The following ANXA4 variants were observed in gnomAD, a reference collection of about 807,000 sequenced individuals.
ANXA4 encodes 35-beta calcimedin.
Under a neutral mutation model 49.8 loss-of-function variants are expected in ANXA4, and 39 were observed. That is an observed-to-expected ratio of 0.78 (90% CI 0.61 to 1.02). The LOEUF (loss-of-function observed/expected upper bound fraction) is 1.02, where lower values mean the gene tolerates loss of function less well. Ranked by LOEUF, ANXA4 falls within the 50% of genes least tolerant of loss-of-function variation. The probability of loss-of-function intolerance (pLI) is 0.00; values close to 1 mark genes in which losing one functional copy is unlikely to be tolerated. For synonymous variants in ANXA4, 134 were observed against 152.5 expected, an observed-to-expected ratio of 0.88 and a Z score of 0.89; for missense variants, 360 against 410.1, an observed-to-expected ratio of 0.88 and a Z score of 1.05.
chr2:69,679,795 T>G (rs1677533441), intron 2 of ANXA4, among the ~76,000 whole-genome samples: 1 of 152,230 alleles, frequency 6.6e-6, no homozygotes, highest in African/African-American at 2.4e-5. Context: ...TTGGCACCTT[T>G]GTAGACAATC....
chr2:69,795,502 C>T (rs563856847), intron 3 of ANXA4, among the ~76,000 whole-genome samples: 2 of 152,196 alleles, frequency 1.3e-5, no homozygotes, highest in South Asian at 2.1e-4. Flanking sequence ...CTCCTAGTAT[C>T]GGGGTGTTGC....
At chr2:69,683,318 C>T (rs540593983) in intron 2 of ANXA4, among the ~76,000 whole-genome samples, 1 of 152,304 alleles carries the variant, frequency 6.6e-6, no homozygotes, top group East Asian at 1.9e-4. Context: ...CCTCTTCCTG[C>T]ATCTGGGACT....
intron 1 of ANXA4, among the ~76,000 whole-genome samples, chr2:69,742,438 C>G (rs1559131417): frequency 3.9e-5 from 6 of 152,252 alleles, no homozygotes. Flanking sequence ...TTACACGGCT[C>G]AGGACGCGGG....
chr2:69,759,054 T>C (rs1242489097), intron 1 of ANXA4, among the ~76,000 whole-genome samples: 1 of 149,470 alleles, frequency 6.7e-6, no homozygotes, highest in Admixed American at 6.8e-5. Context: ...GAGAATCCCT[T>C]GAACACGGGA....
chr2:69,714,318 T>G (rs1340761241), intron 2 of ANXA4, among the ~76,000 whole-genome samples: 1 of 152,166 alleles, frequency 6.6e-6, no homozygotes, highest in East Asian at 1.9e-4. Context: ...AGCGTACAGT[T>G]TCCGGAAGGG....
At chr2:69,699,152 G>A (rs747433440) in intron 2 of ANXA4, among the ~76,000 whole-genome samples, 10 of 152,174 alleles carry the variant, frequency 6.6e-5, no homozygotes, top group Non-Finnish European at 1.3e-4. Context: ...GTGGGGTCTA[G>A]CGCTCATGTT....
chr2:69,806,054 C>T (rs1245444807), intron 4 of ANXA4, among the ~76,000 whole-genome samples: 1 of 152,154 alleles, frequency 6.6e-6, no homozygotes, highest in Non-Finnish European at 1.5e-5. Flanking sequence ...TCTATTTCTA[C>T]TTCAATTTGT....
At position 69,656,307 on chromosome 2, in the gene ANXA4, ATATATG is replaced by A. The variant is rs1312097295; in HGVS notation, n.766+3031_766+3036del. On this transcript the variant is annotated intron_variant and non_coding_transcript_variant, in intron 2 of 3. Transcript: ENST00000418066. ...TATATACATATATGTATATATATGT[ATATATG>A]TATATATATGTATATATATGTGTAT... is the stretch of plus-strand genomic sequence containing the variant. Among the ~76,000 whole-genome samples, 79 of 81,152 alleles carry A rather than the reference ATATATG, an allele frequency of 9.7e-4. 3 individuals are homozygous for A. Among genetic ancestry groups the A allele is most frequent in the African/African-American group, 2.7e-3 (75 of 27,352 alleles). 53.2% of individuals were successfully genotyped at this position (81,152 alleles called of 152,430 possible).
intron 2 of ANXA4, chr2:69,700,492 A>C (rs1041357594): frequency 1.3e-5 from 2 of 152,238 alleles, no homozygotes; most frequent in African/African-American, 4.8e-5. Context: ...CACTATTAAC[A>C]ATGTATTCAT....
intron 2 of ANXA4, among the ~76,000 whole-genome samples, chr2:69,668,489 A>G (rs1677027106): frequency 6.6e-6 from 1 of 152,178 alleles, no homozygotes; most frequent in Non-Finnish European, 1.5e-5. Flanking sequence ...TCCCTTTCCT[A>G]GAGACAATCA....
intron 3 of ANXA4, among the ~76,000 whole-genome samples, chr2:69,800,359 G>C (rs1673138917): frequency 6.6e-6 from 1 of 152,132 alleles, no homozygotes; most frequent in Non-Finnish European, 1.5e-5. Context: ...TCAGCATAAA[G>C]GGTGAGGAGA....
intron 8 of ANXA4, among the ~76,000 whole-genome samples, chr2:69,813,378 AG>A (rs1459717614): frequency 2.0e-5 from 3 of 151,782 alleles, no homozygotes; most frequent in Non-Finnish European, 2.9e-5. Context: ...CCTCCCAAAT[AG>A]CTGGGATTAC....
intron 2 of ANXA4, among the ~76,000 whole-genome samples, chr2:69,697,347 A>G (rs765211802): frequency 1.3e-5 from 2 of 152,190 alleles, no homozygotes; most frequent in Admixed American, 6.6e-5. Context: ...CAGCCTTCGC[A>G]GGATTGAAAA....
intron 4 of ANXA4, among the ~76,000 whole-genome samples, chr2:69,805,368 C>T (rs1189279354): frequency 6.6e-6 from 1 of 152,026 alleles, no homozygotes; most frequent in Non-Finnish European, 1.5e-5. Context: ...CTTTGGGAGG[C>T]CGAGGCGAGT....
chr2:69,754,626 G>A (rs1027070174), intron 1 of ANXA4, among the ~76,000 whole-genome samples: 1 of 152,084 alleles, frequency 6.6e-6, no homozygotes, highest in Admixed American at 6.5e-5. Flanking sequence ...TAGATCTAGG[G>A]TTGGGCCTAA....
At chr2:69,689,431 C>T (rs1364334201) in intron 2 of ANXA4, among the ~76,000 whole-genome samples, 4 of 152,020 alleles carry the variant, frequency 2.6e-5, no homozygotes, top group African/African-American at 9.7e-5. Flanking sequence ...TTTTCAACCT[C>T]GTCAATCTCA....
intron 1 of ANXA4, among the ~76,000 whole-genome samples, chr2:69,759,657 T>A (rs905076594): frequency 2.6e-5 from 4 of 151,794 alleles, no homozygotes; most frequent in African/African-American, 9.7e-5. Context: ...GAAGGAGAGG[T>A]TAATAGTGAT....
chr2:69,763,561 C>T (rs577955548), intron 1 of ANXA4, among the ~76,000 whole-genome samples: 1 of 151,834 alleles, frequency 6.6e-6, no homozygotes, highest in South Asian at 2.1e-4. Flanking sequence ...CACTGCAAAT[C>T]CCTTCCCTCC....
chr2:69,733,948 A>T (rs1249623582), intron 3 of ANXA4, among the ~76,000 whole-genome samples: 1 of 151,554 alleles, frequency 6.6e-6, no homozygotes, highest in Non-Finnish European at 1.5e-5. Context: ...CCAATATGGG[A>T]TGAGCTATTT....
Sources: allele counts gnomAD v4.1 joint callset (sites outside exome capture counted in the v4.1 genomes callset), GRCh38; gene constraint gnomAD v4.1.1; transcripts MANE v1.5; gene names NCBI Gene and HGNC (gene_info 2026-07-23, HGNC 2026-07-21).